The following DNMT3A variants were observed in gnomAD, a reference collection of about 807,000 sequenced individuals.
DNMT3A encodes the protein DNA methyltransferase 3 alpha.
DNMT3A carries 267 observed loss-of-function variants against 117.6 expected under a neutral mutation model. The observed-to-expected ratio is 2.27, with a 90% CI of 2.05 to 2.51. The LOEUF is 2.51. DNMT3A is among the 30% of genes most tolerant of loss of function. The pLI, the probability that DNMT3A is intolerant of heterozygous loss-of-function variation, is 0.00. For missense variants in DNMT3A, 1,029 were observed against 1,260.2 expected, an observed-to-expected ratio of 0.82 and a Z score of 2.78; for synonymous variants, 432 against 474.8, an observed-to-expected ratio of 0.91 and a Z score of 1.17.
chr2:25,261,390 G>A (rs1223167298), intron 6 of DNMT3A, among the ~76,000 whole-genome samples: 1 of 135,436 alleles, frequency 7.4e-6, no homozygotes. Flanking sequence ...AGTGAGCCAA[G>A]ACCATGCCAC....
chr2:25,248,022 G>A lies in DNMT3A; in HGVS notation c.855+15C>T, dbSNP rs1332334795. The stretch of plus-strand genomic sequence containing the variant: ...CCGGAAAGAGCTGGCCACGGCTGGT[G>A]AAGAAGCCGCTCACCTCGTACTCTG... On this transcript the variant is annotated intron_variant, in intron 7 of 22. Coordinates refer to ENST00000321117, the MANE Select transcript of DNMT3A (RefSeq NM_022552.5). The A allele has an allele frequency of 1.2e-6, 2 of 1,611,668 alleles. No homozygotes were observed. The highest frequency in any genetic ancestry group is 1.7e-6 in the Non-Finnish European group (2 of 1,179,916).
At chr2:25,310,501 GAC>G (rs2034054465) in intron 2 of DNMT3A, among the ~76,000 whole-genome samples, 1 of 152,026 alleles carries the variant, frequency 6.6e-6, no homozygotes, top group African/African-American at 2.4e-5. Context: ...GTGCCAGGGG[GAC>G]ACACACAGGC....
At chr2:25,299,991 TG>T in intron 3 of DNMT3A, 147 bp downstream of exon 3, 1 of 627,062 alleles carries the variant, frequency 1.6e-6, no homozygotes, top group Non-Finnish European at 2.6e-6. Flanking sequence ...ATTTGAAGAA[TG>T]GGGTACCTGC....
intron 3 of DNMT3A, among the ~76,000 whole-genome samples, chr2:25,285,868 G>A (rs1164181770): frequency 6.6e-6 from 1 of 152,240 alleles, no homozygotes; most frequent in East Asian, 1.9e-4. Context: ...AAAGTGGAGT[G>A]TACCCCTGCA....
rs538920615 is a variant in DNMT3A at position 25,254,837 on chromosome 2, G to A, written c.640-6585C>T. On this transcript the variant is annotated intron_variant, in intron 6 of 22. Transcript: ENST00000321117. The surrounding 1 kb of genome is among the most constrained non-coding windows in gnomAD (Gnocchi z 4.7). ...AAACACCTTAGACTCCACATTCTGT[G>A]GTCTTGGGACATAAGACTGCAATGA... Among the ~76,000 whole-genome samples, 1 of 152,344 alleles carries A rather than the reference G, an allele frequency of 6.6e-6. No individual in the cohort carries two copies. The highest frequency in any genetic ancestry group is 6.5e-5 in the Admixed American group (1 of 15,308).
chr2:25,245,138 C>T (rs1227269191), intron 13 of DNMT3A, 115 bp downstream of exon 13: 2 of 951,560 alleles, frequency 2.1e-6, no homozygotes, highest in African/African-American at 1.6e-5. Flanking sequence ...CTGAAGTCTA[C>T]ATCACACGCA....
chr2:25,289,443 G>C (rs964575164), intron 3 of DNMT3A, among the ~76,000 whole-genome samples: 2 of 152,118 alleles, frequency 1.3e-5, no homozygotes, highest in African/African-American at 4.8e-5. Flanking sequence ...TGGCTCTCTA[G>C]CATCCCACAC....
intron 1 of DNMT3A, among the ~76,000 whole-genome samples, chr2:25,336,343 G>A (rs1000713270): frequency 1.3e-5 from 2 of 152,298 alleles, no homozygotes; most frequent in Middle Eastern, 3.4e-3. Flanking sequence ...ATGCTGGGGC[G>A]CCTCAGCCTG....
At chr2:25,269,610 A>G (rs1178656409) in intron 6 of DNMT3A, among the ~76,000 whole-genome samples, 1 of 152,136 alleles carries the variant, frequency 6.6e-6, no homozygotes, top group Non-Finnish European at 1.5e-5. Flanking sequence ...AAATAGCCAG[A>G]GGGTATCTGA....
intron 6 of DNMT3A, among the ~76,000 whole-genome samples, chr2:25,266,459 CTTA>C (rs944536504): frequency 1.4e-4 from 16 of 112,560 alleles, no homozygotes; most frequent in East Asian, 1.3e-3. Flanking sequence ...GAGATCACAC[CTTA>C]TTATCTCCTC....
In DNMT3A at chr2:25,286,851, C is replaced by A. The variant is rs1279033218; in HGVS notation, c.178-4140G>T. ...CAGGCCTGGCCTCTTCTGCCCCCAACTCCATGTCCTCCTCCCAGCCACTCT... is the reference window on the plus strand; with the variant it reads ...CAGGCCTGGCCTCTTCTGCCCCCAAATCCATGTCCTCCTCCCAGCCACTCT... On this transcript the variant is annotated intron_variant, in intron 3 of 22. Transcript: ENST00000321117. This position sits in a 1 kb window ranked among gnomAD's most constrained non-coding sequence, Gnocchi z 4.3. Among the ~76,000 whole-genome samples, 1 of 152,202 alleles carries A rather than the reference C, an allele frequency of 6.6e-6. No homozygotes were observed. Among genetic ancestry groups the A allele is most frequent in the African/African-American group, 2.4e-5 (1 of 41,450 alleles).
intron 10 of DNMT3A, 107 bp downstream of exon 10, chr2:25,246,513 C>T: frequency 1.3e-6 from 2 of 1,494,716 alleles, no homozygotes; most frequent in Admixed American, 2.2e-5. Flanking sequence ...TCCCACTGGG[C>T]CCCTCTGTGG....
chr2:25,272,717 C>T (rs1050010889), intron 6 of DNMT3A, among the ~76,000 whole-genome samples: 4 of 152,012 alleles, frequency 2.6e-5, no homozygotes, highest in Non-Finnish European at 5.9e-5. Flanking sequence ...CGGGCTCTTC[C>T]GGGAAAGTAA....
intron 1 of DNMT3A, among the ~76,000 whole-genome samples, chr2:25,335,247 A>G (rs2035165745): frequency 6.6e-6 from 1 of 152,122 alleles, no homozygotes; most frequent in Non-Finnish European, 1.5e-5. Flanking sequence ...ATTCCCCTTT[A>G]CCCATGCATT....
chr2:25,283,846 T>C (rs1334057091), intron 3 of DNMT3A, among the ~76,000 whole-genome samples: 2 of 152,226 alleles, frequency 1.3e-5, no homozygotes, highest in Non-Finnish European at 2.9e-5. Flanking sequence ...CCTCACTTAC[T>C]ACCTCCTCAG....
intron 6 of DNMT3A, 64 bp downstream of exon 6, chr2:25,274,877 C>T (rs563794231): frequency 2.1e-4 from 321 of 1,557,788 alleles, no homozygotes; most frequent in Non-Finnish European, 2.5e-4. Context: ...GAAACTGAGG[C>T]CCATCACTTC....
At chr2:25,324,983 A>ATGGCACCACCAGCAC (rs550146244) in intron 1 of DNMT3A, among the ~76,000 whole-genome samples, 2 of 151,904 alleles carry the variant, frequency 1.3e-5, no homozygotes, top group East Asian at 1.9e-4. Flanking sequence ...TCTCGAGGCC[A>ATGGCACCACCAGCAC]TGGCACCACC....
intron 19 of DNMT3A, among the ~76,000 whole-genome samples, chr2:25,239,718 C>T (rs1356474129): frequency 6.6e-6 from 1 of 152,174 alleles, no homozygotes; most frequent in Non-Finnish European, 1.5e-5. Context: ...ACAGTCAGAA[C>T]ACCAGCTCAC....
In DNMT3A at chr2:25,236,522, TG is replaced by T. The variant is rs1437322737; in HGVS notation, c.2478+413del. Among the ~76,000 whole-genome samples, 6 of 152,182 alleles carry T rather than the reference TG, an allele frequency of 3.9e-5. No individual in the cohort carries two copies. Among genetic ancestry groups the T allele is most frequent in the Non-Finnish European group, 8.8e-5 (6 of 68,030 alleles). On this transcript the variant is annotated intron_variant, in intron 21 of 22. Transcript: ENST00000321117. The surrounding 1 kb of genome is among the most constrained non-coding windows in gnomAD (Gnocchi z 4.5). Reference sequence around the variant, plus strand: ...CGGAGCTGCCAGTGGTTCTGAATGCTGGAACCTGCTGACACAGAACCCAGTG... The same window carrying T: ...CGGAGCTGCCAGTGGTTCTGAATGCTGAACCTGCTGACACAGAACCCAGTG...
Sources: allele counts gnomAD v4.1 joint callset (sites outside exome capture counted in the v4.1 genomes callset), GRCh38; gene constraint gnomAD v4.1.1; non-coding constraint Gnocchi (gnomAD v3.1); transcripts MANE v1.5; gene names NCBI Gene and HGNC (gene_info 2026-07-23, HGNC 2026-07-21).